The following ARHGAP24 variants were observed in gnomAD, a reference collection of about 807,000 sequenced individuals.
The protein encoded by ARHGAP24 is rho GTPase-activating protein 24.
In ARHGAP24, 50 loss-of-function variants were observed where a neutral mutation model predicts 76.4. That is an observed-to-expected ratio of 0.65 (90% confidence interval 0.52 to 0.83). The LOEUF is 0.83. Among genes scored for constraint, ARHGAP24 ranks in the 40% least tolerant of loss-of-function variants. The pLI, the probability that ARHGAP24 is intolerant of heterozygous loss-of-function variation, is 0.00. For missense variants in ARHGAP24, 930 were observed against 914.2 expected (o/e 1.02, Z -0.22); for synonymous variants, 345 against 323.3 (o/e 1.07, Z -0.72).
intron 3 of ARHGAP24, among the ~76,000 whole-genome samples, chr4:85,873,414 A>AC (rs1262943311): frequency 1.3e-5 from 2 of 152,064 alleles, no homozygotes; most frequent in African/African-American, 2.4e-5. Context: ...ATCTTTAGTC[A>AC]TAAATCAATT....
intron 3 of ARHGAP24, among the ~76,000 whole-genome samples, chr4:85,829,108 A>C (rs998415976): frequency 6.6e-6 from 1 of 152,170 alleles, no homozygotes; most frequent in Non-Finnish European, 1.5e-5. Flanking sequence ...AAGAACAAGA[A>C]TTCTTAATAA....
chr4:85,966,691 G>A (rs1046179541), intron 5 of ARHGAP24, among the ~76,000 whole-genome samples: 1 of 152,136 alleles, frequency 6.6e-6, no homozygotes, highest in Admixed American at 6.6e-5. Flanking sequence ...TTTCGTGGTA[G>A]CATTGGTGTT....
intron 3 of ARHGAP24, among the ~76,000 whole-genome samples, chr4:85,867,920 C>G (rs1201488248): frequency 2.1e-5 from 1 of 47,456 alleles, no homozygotes; most frequent in Non-Finnish European, 4.7e-5. Context: ...CATATATGTA[C>G]ACACACACAA....
chr4:85,821,506 C>A (rs114664280), intron 3 of ARHGAP24, among the ~76,000 whole-genome samples: 1 of 152,150 alleles, frequency 6.6e-6, no homozygotes, highest in African/African-American at 2.4e-5. Flanking sequence ...CTTGGACAGC[C>A]TCTAGACTAC....
chr4:85,932,657 C>A (rs867601976), intron 4 of ARHGAP24, among the ~76,000 whole-genome samples: 2 of 152,160 alleles, frequency 1.3e-5, no homozygotes. Context: ...AAAGGCTGTC[C>A]TTTTCTCTTC....
intron 3 of ARHGAP24, among the ~76,000 whole-genome samples, chr4:85,779,749 C>T (rs775398084): frequency 2.3e-4 from 35 of 152,006 alleles, no homozygotes; most frequent in African/African-American, 3.1e-4. Flanking sequence ...TAGCCCAATG[C>T]GGCACAGAAA....
intron 3 of ARHGAP24, among the ~76,000 whole-genome samples, chr4:85,904,244 A>G (rs939270408): frequency 6.6e-6 from 1 of 152,188 alleles, no homozygotes. Flanking sequence ...GCTTTTACTC[A>G]TGGCAGAAAG....
chr4:85,769,261 A>G (rs1727039685), intron 3 of ARHGAP24, among the ~76,000 whole-genome samples: 1 of 152,240 alleles, frequency 6.6e-6, no homozygotes, highest in African/African-American at 2.4e-5. Flanking sequence ...CATTCAAATC[A>G]GTAAACATTT....
In ARHGAP24 at chr4:85,563,796, A is replaced by G. The variant is rs186090336; in HGVS notation, c.-20-6726A>G. On this transcript the variant is annotated intron_variant, in intron 1 of 9. Transcript: ENST00000395184. ...TGGTAGGATTCAACTTTCACATTCA[A>G]CATTCACAGCTGAGCCAATGTAGAG... Among the ~76,000 whole-genome samples, 6 of 152,338 alleles carry G rather than the reference A, an allele frequency of 3.9e-5. No homozygotes were observed. The East Asian group carries it at 1.2e-3, about 29-fold the overall frequency.
chr4:85,636,686 G>T (rs1721319793), intron 2 of ARHGAP24, among the ~76,000 whole-genome samples: 1 of 151,856 alleles, frequency 6.6e-6, no homozygotes, highest in Non-Finnish European at 1.5e-5. Context: ...AACACAATTT[G>T]GAATTATTAT....
intron 2 of ARHGAP24, among the ~76,000 whole-genome samples, chr4:85,684,430 T>C (rs2110012932): frequency 6.6e-6 from 1 of 152,294 alleles, no homozygotes; most frequent in Non-Finnish European, 1.5e-5. Context: ...TGCTATATGG[T>C]ATAATATCTA....
intron 2 of ARHGAP24, among the ~76,000 whole-genome samples, chr4:85,590,952 A>G (rs990067819): frequency 1.3e-5 from 2 of 151,040 alleles, no homozygotes; most frequent in African/African-American, 4.9e-5. Flanking sequence ...CTTAGTTTTC[A>G]TATTTGCAAA....
At chr4:85,774,947 C>T (rs565512827) in intron 3 of ARHGAP24, among the ~76,000 whole-genome samples, 1 of 152,062 alleles carries the variant, frequency 6.6e-6, no homozygotes, top group East Asian at 1.9e-4. Context: ...ACACTAAGAG[C>T]AATGTGGTTC....
At chr4:85,705,822 A>G (rs570918972) in intron 2 of ARHGAP24, among the ~76,000 whole-genome samples, 11 of 152,346 alleles carry the variant, frequency 7.2e-5, no homozygotes, top group African/African-American at 2.6e-4. Flanking sequence ...ATACTGTTTT[A>G]GAGCACCAGG....
At chr4:85,779,705 G>C (rs1241338105) in intron 3 of ARHGAP24, among the ~76,000 whole-genome samples, 2 of 151,960 alleles carry the variant, frequency 1.3e-5, no homozygotes, top group Non-Finnish European at 2.9e-5. Flanking sequence ...TCAAGTCACC[G>C]ATCCATAGAG....
chr4:85,972,426 G>A (rs1739042233), intron 6 of ARHGAP24: 1 of 476,898 alleles, frequency 2.1e-6, no homozygotes, highest in Non-Finnish European at 3.8e-6. Context: ...AATGATAAAT[G>A]CAGTGCTATG....
chr4:85,684,453 C>G (rs1723346994), intron 2 of ARHGAP24, among the ~76,000 whole-genome samples: 1 of 151,948 alleles, frequency 6.6e-6, no homozygotes, highest in Non-Finnish European at 1.5e-5. Context: ...CATTGCTGCT[C>G]CTGAGTCATT....
At chr4:85,924,669 A>G (rs916312280) in intron 4 of ARHGAP24, 2 of 151,294 alleles carry the variant, frequency 1.3e-5, no homozygotes. Flanking sequence ...CTCTGAACAG[A>G]TCGGACACTT....
At position 85,521,049 on chromosome 4, in the gene ARHGAP24, C is replaced by A. The variant is rs17010331; in HGVS notation, c.-21+45490C>A. ...ATTCAACTAAACTTTTCGGGCAGGG[C>A]AGTGACACGGATCAGAGCTTTTTTT... is the stretch of plus-strand genomic sequence containing the variant. On this transcript the variant is annotated intron_variant, in intron 1 of 9. Transcript: ENST00000395184. Among the ~76,000 whole-genome samples the A allele has an allele frequency of 3.4e-3, 520 of 152,150 alleles. 3 individuals carry two copies. The highest frequency in any genetic ancestry group is 0.012 in the African/African-American group (489 of 41,530).
Sources: allele counts gnomAD v4.1 joint callset (sites outside exome capture counted in the v4.1 genomes callset), GRCh38; gene constraint gnomAD v4.1.1; transcripts MANE v1.5; gene names NCBI Gene and HGNC (gene_info 2026-07-23, HGNC 2026-07-21).